Variants in EBF1 observed in about 807,000 individuals in gnomAD.
The protein encoded by EBF1 is transcription factor COE1.
EBF1 carries 10 observed loss-of-function variants against 68.4 expected under a neutral mutation model. That is an observed-to-expected ratio of 0.15 (90% confidence interval 0.09 to 0.25). EBF1 has a LOEUF of 0.25. Ranked by LOEUF, EBF1 falls within the 10% of genes least tolerant of loss-of-function variation. The pLI is 1.00. For synonymous variants in EBF1, 298 were observed against 299.8 expected, an observed-to-expected ratio of 0.99 and a Z score of 0.06; for missense variants, 509 against 794.4, an observed-to-expected ratio of 0.64 and a Z score of 4.32.
At chr5:158,811,123 A>C (rs1782571995) in intron 8 of EBF1, among the ~76,000 whole-genome samples, 2 of 152,250 alleles carry the variant, frequency 1.3e-5, no homozygotes, top group South Asian at 4.1e-4. Context: ...TGAGTATTTC[A>C]AGTTGCAGGG....
rs1757399337 is a variant in EBF1 at position 158,979,078 on chromosome 5, T to G, written c.554+94318A>C. On this transcript the variant is annotated intron_variant, in intron 6 of 15. Transcript: ENST00000313708. Reference sequence around the variant, plus strand: ...AAGAGAAATACCATCAGCTGGAATGTTTCAGCATAAAGAAATCCACACTCA... The same window carrying G: ...AAGAGAAATACCATCAGCTGGAATGGTTCAGCATAAAGAAATCCACACTCA... 2.0e-5 allele frequency among the ~76,000 whole-genome samples: 3 copies of G among 152,022 alleles called. No individual in the cohort carries two copies. In the South Asian group the frequency reaches 6.2e-4, roughly 32 times the overall value.
intron 6 of EBF1, among the ~76,000 whole-genome samples, chr5:159,031,910 T>C (rs1768987423): frequency 6.6e-6 from 1 of 152,184 alleles, no homozygotes; most frequent in Non-Finnish European, 1.5e-5. Context: ...ACCCGCCATC[T>C]TTTGTGGGTG....
rs1041935470 is a variant in EBF1, at chr5:158,767,364, G to A, written c.1036+10049C>T. ...GGCTCCAGTTCCTGTCAGAACTCAC[G>A]TGTCCTAGAAATACCTGCCACTCTC... is the stretch of plus-strand genomic sequence containing the variant. On this transcript the variant is annotated intron_variant, in intron 10 of 15. Transcript: ENST00000313708. Among the ~76,000 whole-genome samples the A allele has an allele frequency of 5.3e-5, 8 of 152,048 alleles. No individual in the cohort carries two copies. The East Asian group carries it at 1.4e-3, about 26-fold the overall frequency.
intron 6 of EBF1, among the ~76,000 whole-genome samples, chr5:159,043,234 C>G (rs1771616062): frequency 6.6e-6 from 1 of 152,124 alleles, no homozygotes; most frequent in Admixed American, 6.6e-5. Flanking sequence ...CCATCTGACT[C>G]CAGCATGTAT....
At chr5:159,098,080 G>A (rs1032151559) in intron 1 of EBF1, among the ~76,000 whole-genome samples, 12 of 152,272 alleles carry the variant, frequency 7.9e-5, no homozygotes, top group African/African-American at 2.7e-4. Flanking sequence ...CTTGTCCCCA[G>A]CCCAGGGAAG....
intron 6 of EBF1, among the ~76,000 whole-genome samples, chr5:158,881,270 T>C (rs1435188407): frequency 6.6e-6 from 1 of 152,264 alleles, no homozygotes; most frequent in East Asian, 1.9e-4. Context: ...TGCCCTATTA[T>C]GCTGATACAG....
chr5:158,700,023 C>T (rs1756384439), intron 15 of EBF1, among the ~76,000 whole-genome samples: 1 of 152,204 alleles, frequency 6.6e-6, no homozygotes. Flanking sequence ...ATCACAGCAA[C>T]ACTTAGGGTT....
At chr5:158,965,112 T>G (rs771678099) in intron 6 of EBF1, among the ~76,000 whole-genome samples, 1 of 152,218 alleles carries the variant, frequency 6.6e-6, no homozygotes, top group African/African-American at 2.4e-5. Context: ...TAACTCGTTA[T>G]GTAAGTTTTG....
intron 6 of EBF1, among the ~76,000 whole-genome samples, chr5:158,863,250 A>T (rs1386840294): frequency 6.6e-6 from 1 of 152,040 alleles, no homozygotes; most frequent in East Asian, 1.9e-4. Context: ...AATCTCCTAT[A>T]TTTCAAGAAT....
chr5:158,942,656 G>A (rs1376106037), intron 6 of EBF1, among the ~76,000 whole-genome samples: 1 of 152,052 alleles, frequency 6.6e-6, no homozygotes, highest in East Asian at 1.9e-4. Flanking sequence ...GTTTTTGAAG[G>A]AGGAATGGTC....
At chr5:158,932,700 G>C (rs981104158) in intron 6 of EBF1, among the ~76,000 whole-genome samples, 21 of 152,078 alleles carry the variant, frequency 1.4e-4, no homozygotes, top group African/African-American at 5.1e-4. Context: ...CTTCCTCTAT[G>C]AACTTCATAA....
chr5:158,911,898 A>C (rs1806062912), intron 6 of EBF1, among the ~76,000 whole-genome samples: 1 of 152,236 alleles, frequency 6.6e-6, no homozygotes, highest in Non-Finnish European at 1.5e-5. Context: ...CATGGTATGA[A>C]GTGGTTCTGC....
chr5:159,069,959 A>C (rs1390752313), intron 6 of EBF1, among the ~76,000 whole-genome samples: 2 of 152,220 alleles, frequency 1.3e-5, no homozygotes, highest in Non-Finnish European at 2.9e-5. Context: ...CAAACCTTTT[A>C]AATTCAAATA....
At chr5:158,996,057 C>T (rs1183652423) in intron 6 of EBF1, among the ~76,000 whole-genome samples, 4 of 152,194 alleles carry the variant, frequency 2.6e-5, no homozygotes. Context: ...ACAGCTATAA[C>T]AGATTCTGGG....
intron 6 of EBF1, among the ~76,000 whole-genome samples, chr5:158,911,107 C>T (rs1416511088): frequency 6.6e-6 from 1 of 152,168 alleles, no homozygotes; most frequent in Non-Finnish European, 1.5e-5. Context: ...GAACACACTT[C>T]TGAAATTGCA....
chr5:158,782,743 GAATA>G (rs1253902782), intron 9 of EBF1, among the ~76,000 whole-genome samples: 3 of 152,020 alleles, frequency 2.0e-5, no homozygotes, highest in African/African-American at 4.8e-5. Flanking sequence ...AATATTTCTG[GAATA>G]AATATTTACA....
At chr5:158,710,958 G>A (rs1759106313) in intron 14 of EBF1, among the ~76,000 whole-genome samples, 1 of 152,208 alleles carries the variant, frequency 6.6e-6, no homozygotes, top group Non-Finnish European at 1.5e-5. Context: ...AAGAGATTGT[G>A]AGAACACGGG....
At chr5:158,712,848 T>A (rs12520521) in intron 13 of EBF1, 122 bp downstream of exon 13, 1 of 996,280 alleles carries the variant, frequency 1.0e-6, no homozygotes, top group Non-Finnish European at 1.4e-6. Context: ...CTTATACACA[T>A]AAACTAAGAA....
At chr5:158,901,062 C>T (rs1023601638) in intron 6 of EBF1, among the ~76,000 whole-genome samples, 8 of 152,210 alleles carry the variant, frequency 5.3e-5, no homozygotes, top group African/African-American at 1.9e-4. Context: ...TCAAGGCAGT[C>T]AGTCTACTCC....
Sources: allele counts gnomAD v4.1 joint callset (sites outside exome capture counted in the v4.1 genomes callset), GRCh38; gene constraint gnomAD v4.1.1; transcripts MANE v1.5; gene names NCBI Gene and HGNC (gene_info 2026-07-23, HGNC 2026-07-21).